The following FRMD4A variants were observed in gnomAD, a reference collection of about 807,000 sequenced individuals.
FRMD4A encodes FERM domain containing 4A.
Under a neutral mutation model 129.1 loss-of-function variants are expected in FRMD4A, and 29 were observed. The observed-to-expected ratio is 0.22, with a 90% CI of 0.17 to 0.31. FRMD4A has a LOEUF of 0.31. Ranked by LOEUF, FRMD4A falls within the 10% of genes least tolerant of loss-of-function variation. The pLI is 1.00. For missense variants in FRMD4A, 1,272 were observed against 1,375.8 expected, an observed-to-expected ratio of 0.92 and a Z score of 1.19; for synonymous variants, 634 against 571.6, an observed-to-expected ratio of 1.11 and a Z score of -1.56.
At chr10:13,857,585 A>G (rs1174273915) in intron 3 of FRMD4A, among the ~76,000 whole-genome samples, 1 of 152,122 alleles carries the variant, frequency 6.6e-6, no homozygotes, top group African/African-American at 2.4e-5. Flanking sequence ...CAGTTTGAAC[A>G]TTTTCAATTC....
At chr10:13,883,082 G>C (rs2094565966) in intron 2 of FRMD4A, among the ~76,000 whole-genome samples, 1 of 152,228 alleles carries the variant, frequency 6.6e-6, no homozygotes, top group East Asian at 1.9e-4. Flanking sequence ...GGGATTACAG[G>C]CATAAGCCAC....
chr10:14,110,440 T>G (rs78646997), intron 2 of FRMD4A, among the ~76,000 whole-genome samples: 5,308 of 152,158 alleles, frequency 0.035, 142 homozygotes, highest in Non-Finnish European at 0.052. Flanking sequence ...ACAGCAAACT[T>G]GAGAGATTTT....
At chr10:14,175,137 C>T (rs1299023123) in intron 2 of FRMD4A, among the ~76,000 whole-genome samples, 2 of 152,224 alleles carry the variant, frequency 1.3e-5, no homozygotes, top group African/African-American at 4.8e-5. Flanking sequence ...TCTACTTCAA[C>T]TGGTGACTCC....
chr10:13,891,638 G>T (rs923592106), intron 2 of FRMD4A: 8 of 985,114 alleles, frequency 8.1e-6, no homozygotes, highest in Non-Finnish European at 9.6e-6. Flanking sequence ...TATTTTTTGC[G>T]CTTCCAAGGG....
At chr10:14,311,183 C>T (rs1338135872) in intron 2 of FRMD4A, among the ~76,000 whole-genome samples, 1 of 152,176 alleles carries the variant, frequency 6.6e-6, no homozygotes, top group East Asian at 1.9e-4. Flanking sequence ...TGGAATCCCA[C>T]ACAAGCCTCC....
chr10:13,851,515 C>T (rs150564376), intron 3 of FRMD4A, among the ~76,000 whole-genome samples: 1 of 152,248 alleles, frequency 6.6e-6, no homozygotes, highest in African/African-American at 2.4e-5. Context: ...CTGAGCCCCA[C>T]CTCCTGTCAG....
chr10:13,778,115 G>C (rs1361653928), intron 6 of FRMD4A, among the ~76,000 whole-genome samples: 1 of 151,966 alleles, frequency 6.6e-6, no homozygotes, highest in Non-Finnish European at 1.5e-5. Flanking sequence ...TGCCCTGCTG[G>C]AGAGTGATTT....
intron 2 of FRMD4A, among the ~76,000 whole-genome samples, chr10:14,312,671 C>A (rs1717500): frequency 0.85 from 129,131 of 151,804 alleles, 55,106 homozygotes; most frequent in Non-Finnish European, 0.87. Context: ...AGCACTTACA[C>A]AGCATGAGGT....
chr10:14,206,608 G>A (rs1002380095), intron 2 of FRMD4A, among the ~76,000 whole-genome samples: 1 of 151,716 alleles, frequency 6.6e-6, no homozygotes, highest in African/African-American at 2.4e-5. Context: ...GACCAGCCTG[G>A]GCAACACGGC....
chr10:13,754,514 A>G (rs866408337), intron 8 of FRMD4A, among the ~76,000 whole-genome samples: 71 of 151,952 alleles, frequency 4.7e-4, no homozygotes, highest in African/African-American at 1.6e-3. Context: ...TCAATTACTC[A>G]TGGCCCTTAA....
At chr10:13,967,980 G>C (rs981228049) in intron 2 of FRMD4A, among the ~76,000 whole-genome samples, 19 of 152,154 alleles carry the variant, frequency 1.2e-4, no homozygotes, top group Non-Finnish European at 2.6e-4. Context: ...AGGAGGTCGG[G>C]GCTGCAGTGA....
chr10:14,153,717 G>T (rs1840456291), intron 2 of FRMD4A, among the ~76,000 whole-genome samples: 1 of 152,196 alleles, frequency 6.6e-6, no homozygotes, highest in Admixed American at 6.5e-5. Flanking sequence ...TGCATCACAG[G>T]AAGTGCATTC....
rs779414308 is a variant in FRMD4A at position 13,695,167 on chromosome 10, CAG to C, written c.976-1130_976-1129del. ...AAAAAAATTTTTTTTTTTTTTGAGA[CAG>C]AGTCTCAGTCACCCAGGCTGGAGTG... On this transcript the variant is annotated intron_variant, in intron 14 of 24. Coordinates refer to ENST00000357447, the MANE Select transcript of FRMD4A (RefSeq NM_018027.5). 1.5e-4 allele frequency among the ~76,000 whole-genome samples: 23 copies of C among 150,270 alleles called. No individual in the cohort carries two copies. In the South Asian group the frequency reaches 2.5e-3, roughly 16 times the overall value.
chr10:14,018,222 A>G (rs1160879958), intron 2 of FRMD4A, among the ~76,000 whole-genome samples: 1 of 151,864 alleles, frequency 6.6e-6, no homozygotes, highest in Non-Finnish European at 1.5e-5. Context: ...CGAGGCAGGC[A>G]GATCAGAAGG....
At chr10:14,290,190 A>G (rs1316038811) in intron 2 of FRMD4A, among the ~76,000 whole-genome samples, 6 of 152,102 alleles carry the variant, frequency 3.9e-5, no homozygotes, top group African/African-American at 1.4e-4. Flanking sequence ...ATCCCTATCA[A>G]AATCCTAATG....
chr10:13,949,541 G>T (rs1288266915), intron 2 of FRMD4A, among the ~76,000 whole-genome samples: 1 of 152,122 alleles, frequency 6.6e-6, no homozygotes, highest in African/African-American at 2.4e-5. Flanking sequence ...TAATCAAAAA[G>T]AACTCTGGGA....
At chr10:13,736,107 G>A (rs1406609320) in intron 12 of FRMD4A, among the ~76,000 whole-genome samples, 3 of 152,090 alleles carry the variant, frequency 2.0e-5, no homozygotes, top group Non-Finnish European at 2.9e-5. Flanking sequence ...AGCCAAGAGC[G>A]TGCCACTGCA....
intron 2 of FRMD4A, among the ~76,000 whole-genome samples, chr10:13,934,988 C>T (rs1438930743): frequency 6.6e-6 from 1 of 152,078 alleles, no homozygotes; most frequent in African/African-American, 2.4e-5. Context: ...TTCTTACATG[C>T]CAGAAGGGTA....
chr10:13,913,197 G>T (rs895188877), intron 2 of FRMD4A, among the ~76,000 whole-genome samples: 1 of 151,960 alleles, frequency 6.6e-6, no homozygotes, highest in African/African-American at 2.4e-5. Context: ...ACCACATATT[G>T]TCTGAGTCCA....
Sources: allele counts gnomAD v4.1 joint callset (sites outside exome capture counted in the v4.1 genomes callset), GRCh38; gene constraint gnomAD v4.1.1; transcripts MANE v1.5; gene names NCBI Gene and HGNC (gene_info 2026-07-23, HGNC 2026-07-21).